Variants in TAF1B observed in about 807,000 individuals in gnomAD.
The protein encoded by TAF1B is TATA-box binding protein associated factor, RNA polymerase I subunit B.
A neutral mutation model predicts 83.9 loss-of-function variants in TAF1B; 61 were observed. The ratio of observed to expected loss-of-function variants is 0.73; its 90% CI spans 0.59 to 0.90. The LOEUF is 0.90. TAF1B is among the 40% of genes least tolerant of loss of function. The pLI is 0.00. For missense variants in TAF1B, 625 were observed against 677.0 expected, an observed-to-expected ratio of 0.92 and a Z score of 0.85; for synonymous variants, 221 against 224.6, an observed-to-expected ratio of 0.98 and a Z score of 0.14.
At chr2:9,872,654 A>G (rs986796980) in intron 6 of TAF1B, among the ~76,000 whole-genome samples, 1 of 152,198 alleles carries the variant, frequency 6.6e-6, no homozygotes, top group Non-Finnish European at 1.5e-5. Flanking sequence ...TAATTGTTGT[A>G]GCAGGAGAGA....
chr2:9,907,935 A>G (rs956710471), intron 9 of TAF1B, among the ~76,000 whole-genome samples: 5 of 144,366 alleles, frequency 3.5e-5, no homozygotes, highest in Non-Finnish European at 7.5e-5. Flanking sequence ...AAGACCCTAT[A>G]CTGTTCTTGC....
At chr2:9,865,167 A>G (rs1380254246) in intron 5 of TAF1B, among the ~76,000 whole-genome samples, 1 of 152,204 alleles carries the variant, frequency 6.6e-6, no homozygotes, top group Non-Finnish European at 1.5e-5. Flanking sequence ...TTTGCAGATG[A>G]CATGATTATA....
chr2:9,916,444 AC>A (rs1665682938), intron 12 of TAF1B, among the ~76,000 whole-genome samples: 1 of 152,024 alleles, frequency 6.6e-6, no homozygotes, highest in South Asian at 2.1e-4. Context: ...GGGGCATATC[AC>A]CCCAAGGGCA....
chr2:9,882,770 T>C lies in TAF1B; in HGVS notation c.772T>C (p.Leu258=), dbSNP rs751730557. The part of the protein sequence containing the change: ...AFQHFPEQMK[L]YGRDRGIFGI... ...TCAGCATTTTCCAGAACAGATGAAATTATATGGACGTGACAGAGGAATCTT... is the reference window on the plus strand; with the variant it reads ...TCAGCATTTTCCAGAACAGATGAAACTATATGGACGTGACAGAGGAATCTT... Residue 258 remains leucine, a synonymous_variant, in exon 8 of 15, where the codon TTA becomes CTA. Coordinates refer to ENST00000263663, the MANE Select transcript of TAF1B (RefSeq NM_005680.3). The C allele has an allele frequency of 1.2e-6, 2 of 1,611,888 alleles. No individual in the cohort carries two copies. The highest frequency in any genetic ancestry group is 1.1e-5 in the South Asian group (1 of 90,594).
chr2:9,920,054 A>G (rs891268431), intron 14 of TAF1B, among the ~76,000 whole-genome samples: 8 of 152,342 alleles, frequency 5.3e-5, no homozygotes, highest in Non-Finnish European at 8.8e-5. Flanking sequence ...TGTGGCAGGC[A>G]AGCAATAGAA....
In TAF1B at chr2:9,853,642, A is replaced by AT. The variant is rs905250441; in HGVS notation, c.304-678dup. On this transcript the variant is annotated intron_variant, in intron 4 of 14. Coordinates refer to ENST00000263663, the MANE Select transcript of TAF1B (RefSeq NM_005680.3). Reference sequence around the variant, plus strand: ...GCCACCATACCTGGCTAACTTTTTGATTTTTTGTAGAGATGAGGTCTCACC... The same window carrying AT: ...GCCACCATACCTGGCTAACTTTTTGATTTTTTTGTAGAGATGAGGTCTCACC... Among the ~76,000 whole-genome samples the AT allele has an allele frequency of 5.0e-4, 76 of 151,798 alleles. 1 individual carries two copies. The highest frequency in any genetic ancestry group is 1.7e-3 in the African/African-American group (70 of 41,376).
chr2:9,858,318 A>AG (rs1663630300), intron 5 of TAF1B, among the ~76,000 whole-genome samples: 1 of 152,124 alleles, frequency 6.6e-6, no homozygotes, highest in South Asian at 2.1e-4. Flanking sequence ...TGCTGATGCA[A>AG]GGGGTGGTTT....
intron 9 of TAF1B, among the ~76,000 whole-genome samples, chr2:9,908,029 T>TTTTTG (rs1491092215): frequency 3.8e-4 from 3 of 7,950 alleles, no homozygotes; most frequent in African/African-American, 7.8e-4. Context: ...ATCTTAATTC[T>TTTTTG]TTTTTTTTTT....
At chr2:9,894,323 A>G (rs941398467) in intron 8 of TAF1B, among the ~76,000 whole-genome samples, 2 of 152,200 alleles carry the variant, frequency 1.3e-5, no homozygotes, top group East Asian at 3.8e-4. Context: ...TGCTTCTGAT[A>G]TATTTATTAT....
intron 13 of TAF1B, 136 bp from the exon 14 acceptor site, chr2:9,919,462 A>G: frequency 4.1e-6 from 3 of 726,100 alleles, no homozygotes; most frequent in Non-Finnish European, 6.9e-6. Flanking sequence ...CCTTAACGTT[A>G]TCCTGTTACA....
At chr2:9,929,549 G>A (rs1382532921) in intron 14 of TAF1B, among the ~76,000 whole-genome samples, 1 of 152,130 alleles carries the variant, frequency 6.6e-6, no homozygotes, top group Non-Finnish European at 1.5e-5. Flanking sequence ...TGATCGTGGT[G>A]GATAAGCTTT....
At chr2:9,929,765 C>T (rs1000179813) in intron 14 of TAF1B, among the ~76,000 whole-genome samples, 5 of 152,078 alleles carry the variant, frequency 3.3e-5, no homozygotes, top group African/African-American at 1.2e-4. Flanking sequence ...GGAATGGTAC[C>T]AGCTCCTTGT....
intron 6 of TAF1B, among the ~76,000 whole-genome samples, chr2:9,870,728 C>G (rs796224151): frequency 6.6e-6 from 1 of 152,130 alleles, no homozygotes; most frequent in South Asian, 2.1e-4. Flanking sequence ...TCTCTCTTCT[C>G]AATATAATTG....
rs1330479671 is a variant in TAF1B at position 9,854,357 on chromosome 2, A to G, written c.335A>G (p.Tyr112Cys). The change falls in exon 5 of 15, where the codon TAC becomes TGC. Residue 112 changes from tyrosine to cysteine, a missense_variant. Tyr to Cys is a radical substitution (Grantham distance 194). Transcript: ENST00000263663. ...NDVLHNFWKR[Y>C]LQKSKQAYCK... ...GTTTTACATAATTTTTGGAAGCGCT[A>G]CCTTCAGAAGAGCAAGCAGGCATAT... The G allele has an allele frequency of 1.2e-6, 2 of 1,614,126 alleles. No homozygotes were observed. The highest frequency in any genetic ancestry group is 1.7e-6 in the Non-Finnish European group (2 of 1,179,976).
At chr2:9,931,107 T>C (rs1309924382) in intron 14 of TAF1B, among the ~76,000 whole-genome samples, 5 of 152,230 alleles carry the variant, frequency 3.3e-5, no homozygotes, top group African/African-American at 1.2e-4. Flanking sequence ...CTGATGGGTC[T>C]TGACTCTTTA....
intron 5 of TAF1B, 104 bp from the exon 6 acceptor site, chr2:9,868,172 G>C: frequency 8.4e-7 from 1 of 1,194,438 alleles, no homozygotes; most frequent in Non-Finnish European, 1.2e-6. Flanking sequence ...GTTTTCTAGA[G>C]TGGTTTCTTT....
intron 3 of TAF1B, among the ~76,000 whole-genome samples, chr2:9,850,892 A>C (rs1663367282): frequency 6.6e-6 from 1 of 152,212 alleles, no homozygotes; most frequent in Non-Finnish European, 1.5e-5. Flanking sequence ...ACCTAGGCTG[A>C]GATCAGTATT....
chr2:9,871,634 T>C (rs1664170846), intron 6 of TAF1B, among the ~76,000 whole-genome samples: 1 of 152,208 alleles, frequency 6.6e-6, no homozygotes, highest in African/African-American at 2.4e-5. Context: ...GACTAAAAAG[T>C]TGATAAAAGG....
intron 2 of TAF1B, chr2:9,846,033 C>T (rs287987): frequency 0.2 from 95,620 of 468,130 alleles, 10,920 homozygotes; most frequent in Non-Finnish European, 0.25. Flanking sequence ...AATTATTCTT[C>T]GTTATCCTTT....
Sources: gnomAD v4.1 joint callset for allele counts (sites outside exome capture counted in the v4.1 genomes callset) on GRCh38, gnomAD v4.1.1 for gene constraint, MANE v1.5 for transcripts, NCBI Gene and HGNC (gene_info 2026-07-23, HGNC 2026-07-21) for gene names.